Variants in TAF15 observed in about 807,000 individuals in gnomAD.
The protein encoded by TAF15 is TATA-binding protein-associated factor 2N.
Under a neutral mutation model 102.5 loss-of-function variants are expected in TAF15, and 37 were observed. The ratio of observed to expected loss-of-function variants is 0.36; its 90% confidence interval spans 0.28 to 0.47. The LOEUF (loss-of-function observed/expected upper bound fraction) is 0.47, where lower values mean the gene tolerates loss of function less well. Among genes scored for constraint, TAF15 ranks in the 20% least tolerant of loss-of-function variants. TAF15 has a pLI of 0.99. For missense variants in TAF15, 652 were observed against 760.7 expected, an observed-to-expected ratio of 0.86 and a Z score of 1.68; for synonymous variants, 273 against 259.2, an observed-to-expected ratio of 1.05 and a Z score of -0.51.
chr17:35,844,968 G>A lies in TAF15; in HGVS notation c.1669G>A (p.Gly557Ser), dbSNP rs753799125. 1.8e-5 allele frequency: 29 copies of A among 1,613,006 alleles called. No individual in the cohort carries two copies. Among genetic ancestry groups the A allele is most frequent in the Middle Eastern group, 1.6e-4 (1 of 6,074 alleles). Residue 557 changes from glycine (G) to serine (S), a missense_variant, in exon 15 of 16, where the codon GGC becomes AGC. Physicochemically the swap from Gly to Ser is moderately conservative, Grantham distance 56 (BLOSUM62 0). Coordinates refer to ENST00000605844, the MANE Select transcript of TAF15 (RefSeq NM_139215.3). ...GGYGGDRSGG[G>S]YGGDRGGGYG... ...CTATGGAGGAGACAGGAGTGGTGGCGGCTATGGAGGAGACCGAGGTGGGGG... is the reference window on the plus strand; with the variant it reads ...CTATGGAGGAGACAGGAGTGGTGGCAGCTATGGAGGAGACCGAGGTGGGGG...
At chr17:35,816,661 A>G (rs997580232) in intron 1 of TAF15, 2 of 137,854 alleles carry the variant, frequency 1.5e-5, no homozygotes, top group Non-Finnish European at 3.0e-5. Flanking sequence ...TGCGTCACAT[A>G]CTTGGTCATT....
At chr17:35,829,651 A>G (rs995040081) in intron 7 of TAF15, among the ~76,000 whole-genome samples, 3 of 146,254 alleles carry the variant, frequency 2.1e-5, no homozygotes, top group Non-Finnish European at 3.0e-5. Flanking sequence ...AAAAAAAAAA[A>G]AAAAAGAGAG....
At chr17:35,817,080 G>C (rs2087204768) in intron 1 of TAF15, 1 of 152,296 alleles carries the variant, frequency 6.6e-6, no homozygotes. Context: ...TGCTGGGATT[G>C]TGTGAGCCAC....
chr17:35,820,508 C>A, intron 5 of TAF15, 71 bp downstream of exon 5: 4 of 1,422,448 alleles, frequency 2.8e-6, no homozygotes, highest in African/African-American at 2.9e-5. Flanking sequence ...CAGATTTAAC[C>A]AACAAAATCC....
Position 35,842,399 on chromosome 17 carries a change from TC to T in TAF15, c.948del (p.Phe317LeufsTer9). The T allele has an allele frequency of 6.2e-7, 1 of 1,614,092 alleles. No homozygotes were observed. On this transcript the variant is annotated frameshift_variant, in exon 12 of 16. Coordinates refer to ENST00000605844, the MANE Select transcript of TAF15 (RefSeq NM_139215.3). LOFTEE classifies it high-confidence loss of function. ...KEFHGNIIKV[S>X]FATRRPEFMR... ...ATTCCATGGCAACATCATTAAAGTG[TC>T]CTTTGCCACTAGAAGACCTGAATTC...
chr17:35,836,318 AC>A, intron 10 of TAF15, 77 bp downstream of exon 10: 3 of 1,063,668 alleles, frequency 2.8e-6, no homozygotes, highest in Non-Finnish European at 4.3e-6. Flanking sequence ...TAGTAAGCCT[AC>A]ATACTTCAGT....
intron 1 of TAF15, 183 bp downstream of exon 1, chr17:35,809,759 C>G (rs1347102744): frequency 2.6e-6 from 2 of 775,406 alleles, no homozygotes; most frequent in African/African-American, 3.5e-5. Flanking sequence ...AATGGCTCCC[C>G]GGCTGCAAAT....
At chr17:35,814,831 T>A (rs992449566) in intron 1 of TAF15, among the ~76,000 whole-genome samples, 1 of 150,882 alleles carries the variant, frequency 6.6e-6, no homozygotes, top group African/African-American at 2.4e-5. Flanking sequence ...CCATCCTGGG[T>A]GATAGAGTGA....
intron 11 of TAF15, among the ~76,000 whole-genome samples, chr17:35,840,982 A>T (rs1001496725): frequency 1.1e-4 from 16 of 152,280 alleles, no homozygotes; most frequent in East Asian, 7.7e-4. Flanking sequence ...ATTCTTTCTT[A>T]CTTTGCTGCT....
At chr17:35,814,340 C>G (rs759896804) in intron 1 of TAF15, among the ~76,000 whole-genome samples, 1 of 151,808 alleles carries the variant, frequency 6.6e-6, no homozygotes, top group Non-Finnish European at 1.5e-5. Flanking sequence ...GGCTAATTTT[C>G]TGTATTTTTA....
intron 12 of TAF15, among the ~76,000 whole-genome samples, chr17:35,842,923 A>T (rs2087565229): frequency 1.3e-5 from 2 of 150,238 alleles, no homozygotes; most frequent in Non-Finnish European, 3.0e-5. Context: ...AATAGAGATG[A>T]TTTCACTATG....
intron 1 of TAF15, chr17:35,810,107 CT>C (rs2087107732): frequency 4.9e-6 from 1 of 205,928 alleles, no homozygotes; most frequent in East Asian, 1.2e-4. Flanking sequence ...AGGACGTTGC[CT>C]TACACGAAAT....
At chr17:35,832,556 A>G (rs941464812) in intron 7 of TAF15, among the ~76,000 whole-genome samples, 1 of 150,638 alleles carries the variant, frequency 6.6e-6, no homozygotes, top group African/African-American at 2.4e-5. Flanking sequence ...TCCTCCCCCC[A>G]CCCCCCATAA....
chr17:35,812,842 G>A (rs757439484), intron 1 of TAF15, among the ~76,000 whole-genome samples: 66 of 152,066 alleles, frequency 4.3e-4, no homozygotes, highest in Non-Finnish European at 8.2e-4. Flanking sequence ...CTAAGATCAA[G>A]GTTGGCCGGG....
chr17:35,822,494 G>A (rs912791826), intron 5 of TAF15, 146 bp from the exon 6 acceptor site: 16 of 701,376 alleles, frequency 2.3e-5, no homozygotes, highest in South Asian at 2.2e-4. Flanking sequence ...CCAGGAGACT[G>A]CAGATAACTA....
chr17:35,809,515 T>C lies in TAF15; in HGVS notation c.-55T>C, dbSNP rs199582053. On this transcript the variant is annotated 5_prime_UTR_variant, in exon 1 of 16. Coordinates refer to ENST00000605844, the MANE Select transcript of TAF15 (RefSeq NM_139215.3). ...GCTCCGGCCGCCGCGCCGCCTGGCT[T>C]TCGTATTCGTTGTTCTCGGCGGGCT... The C allele has an allele frequency of 9.9e-4, 1,593 of 1,611,630 alleles. 6 individuals carry two copies. The highest frequency in any genetic ancestry group is 7.9e-3 in the Middle Eastern group (44 of 5,552).
chr17:35,822,673 A>G lies in TAF15; in HGVS notation c.324A>G (p.Pro108=). ...QGGRAPSYDQ[P]DYGQQDSYDQ... The stretch of plus-strand genomic sequence containing the variant: ...GAAGAGCACCTTCCTATGACCAGCC[A>G]GACTATGGTCAACAAGATTCATATG... The change falls in exon 6 of 16, where the codon CCA becomes CCG. Residue 108 remains proline, a synonymous_variant. Transcript: ENST00000605844. The G allele has an allele frequency of 1.2e-6, 2 of 1,614,142 alleles. No individual in the cohort carries two copies. The highest frequency in any genetic ancestry group is 4.5e-5 in the East Asian group (2 of 44,876).
At position 35,822,759 on chromosome 17, in the gene TAF15, A is replaced by G. The variant is rs369432616; in HGVS notation, c.410A>G (p.Gln137Arg). The G allele has an allele frequency of 1.2e-6, 2 of 1,614,228 alleles. No homozygotes were observed. The highest frequency in any genetic ancestry group is 3.3e-5 in the Admixed American group (2 of 60,024). Residue 137 changes from glutamine (Q) to arginine (R), a missense_variant, in exon 6 of 16, where the codon CAG (glutamine) becomes CGG (arginine). Transcript: ENST00000605844. ...GSYDEQSNYDQQHDSYSQNQQ... is the reference protein window; with the variant it reads ...GSYDEQSNYDRQHDSYSQNQQ... ...TATGATGAGCAGTCAAATTATGATCAGCAGCATGATTCCTATAGTCAAAAC... is the reference window on the plus strand; with the variant it reads ...TATGATGAGCAGTCAAATTATGATCGGCAGCATGATTCCTATAGTCAAAAC...
chr17:35,822,691 T>G lies in TAF15; in HGVS notation c.342T>G (p.Asp114Glu). 6.2e-7 allele frequency: 1 copy of G among 1,614,140 alleles called. No homozygotes were observed. The highest frequency in any genetic ancestry group is 1.1e-5 in the South Asian group (1 of 91,086). Residue 114 changes from aspartate to glutamate, a missense_variant, in exon 6 of 16, where the codon GAT (aspartate) becomes GAG (glutamate). Around this residue, in one of 3 missense-constraint regions of TAF15, gnomAD observed 243 missense variants for 284.1 expected, o/e 0.86. Transcript: ENST00000605844. The part of the protein sequence containing the change: ...SYDQPDYGQQ[D>E]SYDQQSGYDQ... The stretch of plus-strand genomic sequence containing the variant: ...ACCAGCCAGACTATGGTCAACAAGA[T>G]TCATATGACCAGCAGTCAGGCTATG...
Sources: gnomAD v4.1 joint callset for allele counts (sites outside exome capture counted in the v4.1 genomes callset) on GRCh38, gnomAD v4.1.1 for gene constraint, gnomAD v4.1.1 regional missense constraint, MANE v1.5 for transcripts, NCBI Gene and HGNC (gene_info 2026-07-23, HGNC 2026-07-21) for gene names.